HS1BP3: variants seen among roughly 807,000 people sequenced by gnomAD.
HS1BP3 encodes HCLS1 binding protein 3, also known as HCLS1-binding protein 3.
In HS1BP3, 32 loss-of-function variants were observed where a neutral mutation model predicts 33.5. That is an observed-to-expected ratio of 0.95 (90% confidence interval 0.72 to 1.28). HS1BP3 has a LOEUF of 1.28. Among genes scored for constraint, HS1BP3 ranks in the 50% most tolerant of loss-of-function variants. HS1BP3 has a pLI of 0.00. For synonymous variants in HS1BP3, 187 were observed against 209.2 expected, an observed-to-expected ratio of 0.89 and a Z score of 0.92; for missense variants, 486 against 502.3, an observed-to-expected ratio of 0.97 and a Z score of 0.31.
chr2:20,639,796 G>A (rs554712690), intron 3 of HS1BP3, among the ~76,000 whole-genome samples: 1 of 152,268 alleles, frequency 6.6e-6, no homozygotes, highest in African/African-American at 2.4e-5. Flanking sequence ...ACCAGAGAGG[G>A]GCTGGGACAT....
chr2:20,633,118 G>A (rs970708712), intron 4 of HS1BP3, among the ~76,000 whole-genome samples: 7 of 152,172 alleles, frequency 4.6e-5, no homozygotes, highest in African/African-American at 1.4e-4. Flanking sequence ...GTACAGCAAC[G>A]CACTCAGCGT....
chr2:20,631,159 G>C (rs757471253), intron 4 of HS1BP3, among the ~76,000 whole-genome samples: 13 of 152,236 alleles, frequency 8.5e-5, no homozygotes, highest in Non-Finnish European at 1.6e-4. Flanking sequence ...GGAGCTGCCT[G>C]GTGATGTCTA....
In HS1BP3 at chr2:20,628,006, C is replaced by T. The variant is rs148261431; in HGVS notation, c.624-3114G>A. Among the ~76,000 whole-genome samples the T allele has an allele frequency of 2.2e-3, 339 of 152,196 alleles. 2 individuals are homozygous for T. Among genetic ancestry groups the T allele is most frequent in the African/African-American group, 7.9e-3 (328 of 41,506 alleles). ...CTCAGGATTCTGTTAATCCCCAAGG[C>T]GGGAGGGGCAGGGAGGGAAGAGGGA... On this transcript the variant is annotated intron_variant, in intron 4 of 6. Coordinates refer to ENST00000304031, the MANE Select transcript of HS1BP3 (RefSeq NM_022460.4).
Position 20,638,650 on chromosome 2 carries a change from T to C in HS1BP3, c.409A>G (p.Thr137Ala). ...AGCCCTGCAGCCCCTGGGGATCTGG[T>C]ACCTGTGGAGGAAGACAGAAAAGAA... The part of the protein sequence containing the change: ...GSPELLEFLG[T>A]RSPGAAGLTS... Residue 137 changes from threonine (T) to alanine (A), a missense_variant and splice_region_variant, in exon 4 of 7, where the codon ACC becomes GCC. By Grantham distance (58) the Thr-to-Ala change is moderately conservative. Coordinates refer to ENST00000304031, the MANE Select transcript of HS1BP3 (RefSeq NM_022460.4). 4 of 1,612,758 alleles carry C rather than the reference T, an allele frequency of 2.5e-6. No homozygotes were observed. The highest frequency in any genetic ancestry group is 3.4e-6 in the Non-Finnish European group (4 of 1,179,118).
At chr2:20,586,544 A>G (rs1166403409) in intron 5 of HS1BP3, 1 of 152,244 alleles carries the variant, frequency 6.6e-6, no homozygotes, top group African/African-American at 2.4e-5. Context: ...AGGAAAAGGC[A>G]AGCTCTTGAC....
At chr2:20,587,211 T>TAGGACAC (rs1693702270) in intron 5 of HS1BP3, among the ~76,000 whole-genome samples, 1 of 152,210 alleles carries the variant, frequency 6.6e-6, no homozygotes, top group Non-Finnish European at 1.5e-5. Context: ...TGTACGATCA[T>TAGGACAC]AGGACACAGT....
chr2:20,583,852 T>G (rs1693618497), intron 5 of HS1BP3, among the ~76,000 whole-genome samples: 1 of 152,110 alleles, frequency 6.6e-6, no homozygotes, highest in Non-Finnish European at 1.5e-5. Flanking sequence ...TGGTCTGAGA[T>G]CACCTGGAAG....
chr2:20,561,411 G>A (rs187416813), intron 5 of HS1BP3, among the ~76,000 whole-genome samples: 194 of 152,236 alleles, frequency 1.3e-3, no homozygotes, highest in African/African-American at 4.5e-3. Context: ...TAAATAAATG[G>A]GCCTCACAAT....
downstream of HS1BP3, among the ~76,000 whole-genome samples, chr2:20,588,626 C>G (rs1262686699): frequency 6.6e-6 from 1 of 152,222 alleles, no homozygotes; most frequent in African/African-American, 2.4e-5. Flanking sequence ...CACGCCCAGC[C>G]TTCCAAGCCG....
chr2:20,588,606 GGT>G (rs1693738288), downstream of HS1BP3, among the ~76,000 whole-genome samples: 1 of 152,166 alleles, frequency 6.6e-6, no homozygotes, highest in Admixed American at 6.5e-5. Flanking sequence ...GGGTTACACA[GGT>G]GAACCACCAC....
At chr2:20,592,697 T>A (rs1258509628) in exon 4 of HS1BP3, 5 of 152,458 alleles carry the variant, frequency 3.3e-5, no homozygotes, top group East Asian at 3.9e-4. Context: ...CCTCTTCCAG[T>A]TCCTGGCGTT....
chr2:20,575,983 C>CTTTGTTTTGT (rs138896250), intron 5 of HS1BP3, among the ~76,000 whole-genome samples: 1 of 151,948 alleles, frequency 6.6e-6, no homozygotes, highest in African/African-American at 2.4e-5. Context: ...CCATTTCCAT[C>CTTTGTTTTGT]TTTGTTTTGT....
At chr2:20,569,434 G>A (rs1385394593) in intron 5 of HS1BP3, among the ~76,000 whole-genome samples, 1 of 152,046 alleles carries the variant, frequency 6.6e-6, no homozygotes, top group Non-Finnish European at 1.5e-5. Context: ...TACATAGGGT[G>A]GCCAAATTTG....
intron 5 of HS1BP3, among the ~76,000 whole-genome samples, chr2:20,576,510 T>C (rs1010775213): frequency 1.3e-5 from 2 of 152,186 alleles, no homozygotes; most frequent in Admixed American, 6.5e-5. Context: ...GAGGCTCTAG[T>C]CTAGAGCCTG....
intron 5 of HS1BP3, among the ~76,000 whole-genome samples, chr2:20,562,062 A>T (rs1693012803): frequency 6.6e-6 from 1 of 152,156 alleles, no homozygotes; most frequent in South Asian, 2.1e-4. Context: ...AACCACGTGG[A>T]GGTGCTGGGA....
intron 4 of HS1BP3, among the ~76,000 whole-genome samples, chr2:20,626,969 A>T (rs1694805041): frequency 6.6e-6 from 1 of 152,158 alleles, no homozygotes; most frequent in Non-Finnish European, 1.5e-5. Flanking sequence ...CTCCTGGGGC[A>T]GACAGCAAAG....
chr2:20,554,275 C>A, the HS1BP3 span, among the ~76,000 whole-genome samples: 1 of 152,180 alleles, frequency 6.6e-6, no homozygotes, highest in African/African-American at 2.4e-5. Flanking sequence ...CACAAGAGAT[C>A]CATGGAGAAT....
Position 20,651,092 on chromosome 2 carries a change from C to T in HS1BP3, c.-29G>A. The T allele has an allele frequency of 8.1e-7, 1 of 1,228,794 alleles. No homozygotes were observed. Among genetic ancestry groups the T allele is most frequent in the East Asian group, 3.2e-5 (1 of 31,594 alleles). The allele number at this position is 1,228,794 out of a possible 1,614,324, so 76.1% of individuals were successfully genotyped here. A position where few individuals can be genotyped will look rare whatever the true frequency, so the allele number is the denominator to read the frequency against. On this transcript the variant is annotated 5_prime_UTR_variant, in exon 1 of 7. Transcript: ENST00000304031. The stretch of plus-strand genomic sequence containing the variant: ...GGCGGCGGGGACTCCGGGCGGGGCG[C>T]GCAGTCACGGGACCCGGCAGTGCCC...
intron 1 of HS1BP3, 124 bp downstream of exon 1, chr2:20,650,908 C>A (rs1260848889): frequency 3.5e-6 from 3 of 859,734 alleles, no homozygotes; most frequent in Non-Finnish European, 4.6e-6. Context: ...GGATAAGCCA[C>A]CGAGGGCGCT....
Sources: allele counts gnomAD v4.1 joint callset (sites outside exome capture counted in the v4.1 genomes callset), GRCh38; gene constraint gnomAD v4.1.1; transcripts MANE v1.5; gene names NCBI Gene and HGNC (gene_info 2026-07-23, HGNC 2026-07-21).